The following XKR6 variants were observed in gnomAD, a reference collection of about 807,000 sequenced individuals.
XKR6 encodes XK-related protein 6.
Under a neutral mutation model 56.7 loss-of-function variants are expected in XKR6, and 22 were observed. That is an observed-to-expected ratio of 0.39 (90% CI 0.28 to 0.55). XKR6 has a LOEUF of 0.55. Among genes scored for constraint, XKR6 ranks in the 20% least tolerant of loss-of-function variants. XKR6 has a pLI of 0.66. For synonymous variants in XKR6, 524 were observed against 387.8 expected (o/e 1.35, Z -4.13); for missense variants, 852 against 889.0 (o/e 0.96, Z 0.53).
At chr8:11,144,457 C>T (rs1447421382) in intron 1 of XKR6, among the ~76,000 whole-genome samples, 3 of 151,620 alleles carry the variant, frequency 2.0e-5, no homozygotes, top group Non-Finnish European at 4.4e-5. Flanking sequence ...AGACTCAAAA[C>T]TCAGAACCCT....
chr8:11,048,113 C>A (rs576628147), intron 1 of XKR6, among the ~76,000 whole-genome samples: 3 of 152,288 alleles, frequency 2.0e-5, no homozygotes, highest in South Asian at 4.1e-4. Flanking sequence ...ACACCCCCCA[C>A]GCTCAGTCAC....
chr8:10,984,659 C>T (rs1797809919), intron 1 of XKR6, among the ~76,000 whole-genome samples: 1 of 142,534 alleles, frequency 7.0e-6, no homozygotes, highest in Admixed American at 7.0e-5. Flanking sequence ...ATGAAAACAA[C>T]ATTTTTTAAA....
chr8:11,128,929 C>T, intron 1 of XKR6: 1 of 456,710 alleles, frequency 2.2e-6, no homozygotes, highest in Non-Finnish European at 4.4e-6. Context: ...GTTCCCCTGG[C>T]TTCTTTAATA....
chr8:10,912,014 G>C (rs1332087306), intron 2 of XKR6, among the ~76,000 whole-genome samples: 1 of 148,882 alleles, frequency 6.7e-6, no homozygotes, highest in African/African-American at 2.5e-5. Flanking sequence ...TAGAGAGAGA[G>C]AGCAAGAGAG....
intron 1 of XKR6, among the ~76,000 whole-genome samples, chr8:10,938,418 C>T (rs1801292234): frequency 6.6e-6 from 1 of 152,184 alleles, no homozygotes; most frequent in Non-Finnish European, 1.5e-5. Context: ...GCCATCTTGG[C>T]TCCTCCCCCC....
chr8:11,054,651 G>A (rs932675653), intron 1 of XKR6, among the ~76,000 whole-genome samples: 2 of 152,212 alleles, frequency 1.3e-5, no homozygotes, highest in Non-Finnish European at 2.9e-5. Context: ...AGCCCTTTAG[G>A]AAACCCAATT....
chr8:11,195,296 T>C, intron 1 of XKR6: 4 of 628,436 alleles, frequency 6.4e-6, no homozygotes, highest in Non-Finnish European at 1.1e-5. Context: ...TTCATTCTTT[T>C]AGCATTTCTG....
At chr8:11,130,785 G>C (rs1290561017) in intron 1 of XKR6, among the ~76,000 whole-genome samples, 2 of 152,046 alleles carry the variant, frequency 1.3e-5, no homozygotes, top group East Asian at 1.9e-4. Context: ...CCTTTGTAAA[G>C]AACACTGGAC....
At chr8:10,900,849 G>A (rs1241544274) in intron 2 of XKR6, among the ~76,000 whole-genome samples, 1 of 93,594 alleles carries the variant, frequency 1.1e-5, no homozygotes, top group Non-Finnish European at 2.0e-5. Context: ...CAGAGGATGT[G>A]CAATTACCTT....
At chr8:10,977,519 A>C (rs1366971292) in intron 1 of XKR6, among the ~76,000 whole-genome samples, 1 of 151,204 alleles carries the variant, frequency 6.6e-6, no homozygotes, top group Non-Finnish European at 1.5e-5. Context: ...ATGCAACCCA[A>C]AATATGTAAC....
chr8:10,922,758 G>C (rs1249155498), intron 2 of XKR6, among the ~76,000 whole-genome samples: 1 of 152,196 alleles, frequency 6.6e-6, no homozygotes, highest in African/African-American at 2.4e-5. Context: ...AGGTTTCCCT[G>C]TGTTCCCAAG....
At chr8:11,135,051 G>A (rs74885003) in intron 1 of XKR6, among the ~76,000 whole-genome samples, 2 of 84,026 alleles carry the variant, frequency 2.4e-5, no homozygotes, top group African/African-American at 5.2e-5. Flanking sequence ...TTTTTTTTTT[G>A]AGGCGGAGTC....
intron 1 of XKR6, among the ~76,000 whole-genome samples, chr8:11,149,987 T>G (rs532706736): frequency 6.6e-6 from 1 of 152,134 alleles, no homozygotes; most frequent in Non-Finnish European, 1.5e-5. Flanking sequence ...GAAAGACAAA[T>G]ATTGCATGTA....
At chr8:10,975,120 G>C (rs1297651611) in intron 1 of XKR6, among the ~76,000 whole-genome samples, 3 of 152,120 alleles carry the variant, frequency 2.0e-5, no homozygotes, top group Non-Finnish European at 4.4e-5. Context: ...TTGCTGCCCT[G>C]ATGCTCCCAG....
At chr8:11,147,559 G>C (rs983958698) in intron 1 of XKR6, among the ~76,000 whole-genome samples, 18 of 151,178 alleles carry the variant, frequency 1.2e-4, no homozygotes, top group Non-Finnish European at 8.8e-5. Context: ...AGGAGGCTGA[G>C]ACAGGAGAAT....
intron 2 of XKR6, among the ~76,000 whole-genome samples, chr8:10,899,951 A>G (rs997004729): frequency 6.6e-6 from 1 of 152,196 alleles, no homozygotes; most frequent in Non-Finnish European, 1.5e-5. Context: ...ACAACCAGTC[A>G]TTATTCGAGT....
intron 1 of XKR6, among the ~76,000 whole-genome samples, chr8:10,969,979 G>A (rs144555636): frequency 2.0e-5 from 3 of 152,328 alleles, no homozygotes; most frequent in African/African-American, 7.2e-5. Context: ...GACCCCAGAG[G>A]CCCACAGACC....
intron 1 of XKR6, among the ~76,000 whole-genome samples, chr8:11,188,299 C>G: frequency 6.6e-6 from 1 of 152,188 alleles, no homozygotes; most frequent in East Asian, 1.9e-4. Flanking sequence ...CAGAAACTAC[C>G]TAAAAATTAG....
chr8:10,998,987 C>CCA (rs1798179113), intron 1 of XKR6, among the ~76,000 whole-genome samples: 1 of 152,196 alleles, frequency 6.6e-6, no homozygotes, highest in Admixed American at 6.5e-5. Flanking sequence ...TCAGGAAAAC[C>CCA]TAGCTCCAGT....
Sources: gnomAD v4.1 joint callset for allele counts (sites outside exome capture counted in the v4.1 genomes callset) on GRCh38, gnomAD v4.1.1 for gene constraint, MANE v1.5 for transcripts, NCBI Gene and HGNC (gene_info 2026-07-23, HGNC 2026-07-21) for gene names.